Variants in RNF217 observed in about 807,000 individuals in gnomAD.
RNF217 encodes E3 ubiquitin-protein ligase RNF217.
RNF217 carries 31 observed loss-of-function variants against 57.8 expected under a neutral mutation model. The ratio of observed to expected loss-of-function variants is 0.54; its 90% CI spans 0.40 to 0.72. RNF217 has a LOEUF of 0.72. Ranked by LOEUF, RNF217 falls within the 30% of genes least tolerant of loss-of-function variation. RNF217 has a pLI of 0.00. For missense variants in RNF217, 696 were observed against 708.3 expected (o/e 0.98, Z 0.20); for synonymous variants, 313 against 294.0 (o/e 1.06, Z -0.66).
chr6:124,984,050 C>T (rs182847434), intron 1 of RNF217, among the ~76,000 whole-genome samples: 22 of 152,238 alleles, frequency 1.4e-4, no homozygotes, highest in Non-Finnish European at 2.1e-4. Flanking sequence ...CCATCACCTC[C>T]CAAAAGCCCC....
chr6:125,026,175 T>G (rs1201757120), intron 1 of RNF217, among the ~76,000 whole-genome samples: 1 of 152,164 alleles, frequency 6.6e-6, no homozygotes, highest in Non-Finnish European at 1.5e-5. Context: ...CAGTGGCCGC[T>G]AGCAACATGG....
intron 1 of RNF217, among the ~76,000 whole-genome samples, chr6:124,970,622 A>G (rs1003979956): frequency 6.6e-6 from 1 of 152,176 alleles, no homozygotes; most frequent in African/African-American, 2.4e-5. Context: ...AGAAGATATA[A>G]ATTTGAACGT....
At position 124,962,981 on chromosome 6, in the gene RNF217, T is replaced by A; in HGVS notation, c.437T>A (p.Val146Asp). 2.5e-6 allele frequency: 4 copies of A among 1,597,104 alleles called. No homozygotes were observed. Among genetic ancestry groups the A allele is most frequent in the Non-Finnish European group, 3.4e-6 (4 of 1,179,290 alleles). The change falls in exon 1 of 6, where the codon GTC becomes GAC. Residue 146 changes from valine (V) to aspartate (D), a missense_variant. Val to Asp is a radical substitution (Grantham distance 152, BLOSUM62 -3). Coordinates refer to ENST00000521654, the MANE Select transcript of RNF217 (RefSeq NM_001286398.3). The surrounding 1 kb of genome is among the most constrained non-coding windows in gnomAD (Gnocchi z 4.6). ...RTRVGAADGL[V>D]LDVLGQRRPS... is the part of the protein sequence containing the mutation. ...CGCGTGGGGGCCGCCGACGGACTGG[T>A]CCTGGACGTGCTGGGTCAGCGGCGC...
At chr6:125,038,484 A>G (rs1786739449) in intron 1 of RNF217, among the ~76,000 whole-genome samples, 1 of 152,284 alleles carries the variant, frequency 6.6e-6, no homozygotes, top group African/African-American at 2.4e-5. Flanking sequence ...TGGGAGGGCC[A>G]TATTATTCAG....
Position 125,092,341 on chromosome 6 carries a change from C to CCAAT in RNF217, c.*9404_*9405insCAAT, listed in dbSNP as rs1562506696. 20 of 152,222 alleles carry CCAAT rather than the reference C, an allele frequency of 1.3e-4. No individual in the cohort carries two copies. In the East Asian group the frequency reaches 2.5e-3, roughly 19 times the overall value. The allele number at this position is 152,222 out of a possible 1,614,324, so 9.4% of individuals were successfully genotyped here. On this transcript the variant is annotated 3_prime_UTR_variant, in exon 6 of 6. Coordinates refer to ENST00000521654, the MANE Select transcript of RNF217 (RefSeq NM_001286398.3). The stretch of plus-strand genomic sequence containing the variant: ...TTGTGATATTTTGGAGTCTAATTTC[C>CCAAT]GACTTTTCGTAATGTCCCAATGACC...
At chr6:124,965,806 GCT>G (rs1783516405) in intron 1 of RNF217, among the ~76,000 whole-genome samples, 1 of 151,904 alleles carries the variant, frequency 6.6e-6, no homozygotes, top group Admixed American at 6.6e-5. Context: ...CTCACCCCAC[GCT>G]CTCTCTCTTT....
rs28833574 is a variant in RNF217 at position 125,035,104 on chromosome 6, C to T, written c.883-10107C>T. On this transcript the variant is annotated intron_variant, in intron 1 of 5. Transcript: ENST00000521654. ...AGCTTAAGGAGATTTTGGGCAGAGA[C>T]AATGGGGTTTTCTAGATATACAATG... 5.5e-3 allele frequency among the ~76,000 whole-genome samples: 836 copies of T among 152,250 alleles called. 10 individuals are homozygous for T. The highest frequency in any genetic ancestry group is 0.019 in the African/African-American group (810 of 41,548).
rs567331646 is a variant in RNF217, at chr6:125,067,403, C to A, written c.1282-9254C>A. ...ATTTTATGGTGCTAGCTGTAGACAT[C>A]TGAAAGAAAAATAATGACAATATGA... On this transcript the variant is annotated intron_variant, in intron 3 of 5. Transcript: ENST00000521654. Among the ~76,000 whole-genome samples the A allele has an allele frequency of 2.0e-5, 3 of 152,158 alleles. No homozygotes were observed. In the South Asian group the frequency reaches 6.2e-4, roughly 32 times the overall value.
intron 2 of RNF217, among the ~76,000 whole-genome samples, chr6:125,047,126 A>T (rs1023458499): frequency 2.6e-5 from 4 of 152,094 alleles, no homozygotes. Flanking sequence ...TCGTAATTCC[A>T]TAAATTAGGA....
At chr6:124,978,038 A>G (rs1450428861) in intron 1 of RNF217, among the ~76,000 whole-genome samples, 2 of 152,314 alleles carry the variant, frequency 1.3e-5, no homozygotes, top group East Asian at 1.9e-4. Flanking sequence ...TTAAAAAAAT[A>G]CTGAGCACAA....
Position 124,963,202 on chromosome 6 carries a change from G to A in RNF217, c.658G>A (p.Gly220Ser), listed in dbSNP as rs1208950706. 2 of 1,536,086 alleles carry A rather than the reference G, an allele frequency of 1.3e-6. No homozygotes were observed. The highest frequency in any genetic ancestry group is 1.7e-6 in the Non-Finnish European group (2 of 1,146,898). Residue 220 changes from glycine (G) to serine (S), a missense_variant, in exon 1 of 6, where the codon GGC becomes AGC. Gly to Ser is a moderately conservative substitution (Grantham distance 56). Transcript: ENST00000521654. ...CCCAACGGATTCCCTCTCCCCCGAC[G>A]GCGGCAGCATCGAGCTGGAGTTCTA... ...SLPTDSLSPDGGSIELEFYLA... is the reference protein window; with the variant it reads ...SLPTDSLSPDSGSIELEFYLA...
At chr6:124,977,180 TTCTGAC>T (rs1165982956) in intron 1 of RNF217, among the ~76,000 whole-genome samples, 3 of 152,196 alleles carry the variant, frequency 2.0e-5, no homozygotes, top group South Asian at 4.1e-4. Flanking sequence ...CATTAACACT[TTCTGAC>T]TAGTTGCCAG....
chr6:124,989,133 A>T (rs1227808798), intron 1 of RNF217, among the ~76,000 whole-genome samples: 1 of 151,972 alleles, frequency 6.6e-6, no homozygotes, highest in Admixed American at 6.6e-5. Flanking sequence ...CATTTTGTGA[A>T]GTTCTGTGTG....
Position 124,962,717 on chromosome 6 carries a change from A to C in RNF217, c.173A>C (p.Asp58Ala). 1 of 1,513,378 alleles carries C rather than the reference A, an allele frequency of 6.6e-7. No individual in the cohort carries two copies. The highest frequency in any genetic ancestry group is 8.7e-7 in the Non-Finnish European group (1 of 1,143,146). 93.7% of individuals were successfully genotyped at this position (1,513,378 alleles called of 1,614,324 possible). A position where few individuals can be genotyped will look rare whatever the true frequency, so the allele number is the denominator to read the frequency against. ...AEPSGGGCGSDWGCADTSAPE... is the reference protein window; with the variant it reads ...AEPSGGGCGSAWGCADTSAPE... ...CCGAGCGGCGGTGGCTGCGGAAGCG[A>C]CTGGGGCTGCGCGGACACCAGCGCC... The change falls in exon 1 of 6, where the codon GAC becomes GCC. Residue 58 changes from aspartate to alanine, a missense_variant. Around this residue, in one of 2 missense-constraint regions of RNF217, gnomAD observed 465 missense variants for 386.8 expected, o/e 1.20. Coordinates refer to ENST00000521654, the MANE Select transcript of RNF217 (RefSeq NM_001286398.3). This position sits in a 1 kb window ranked among gnomAD's most constrained non-coding sequence, Gnocchi z 4.6.
At chr6:124,988,483 A>AC (rs1289113563) in intron 1 of RNF217, among the ~76,000 whole-genome samples, 1 of 152,236 alleles carries the variant, frequency 6.6e-6, no homozygotes, top group African/African-American at 2.4e-5. Context: ...TATAAGTGAC[A>AC]CTGTTGGTTC....
At chr6:124,985,999 G>A (rs1784352831) in intron 1 of RNF217, among the ~76,000 whole-genome samples, 1 of 152,138 alleles carries the variant, frequency 6.6e-6, no homozygotes, top group South Asian at 2.1e-4. Flanking sequence ...CAATGCAATA[G>A]TGTTAAGAGA....
At chr6:125,007,340 G>A (rs1394609527) in intron 1 of RNF217, among the ~76,000 whole-genome samples, 2 of 151,494 alleles carry the variant, frequency 1.3e-5, no homozygotes, top group African/African-American at 4.9e-5. Context: ...CTGCCTCCTG[G>A]GTTCAAGCGA....
At chr6:125,055,239 G>A (rs1334168865) in intron 2 of RNF217, among the ~76,000 whole-genome samples, 1 of 152,160 alleles carries the variant, frequency 6.6e-6, no homozygotes, top group African/African-American at 2.4e-5. Flanking sequence ...AAGCAATCCA[G>A]TATGAGTTTA....
At chr6:125,024,798 G>T (rs1397708071) in intron 1 of RNF217, among the ~76,000 whole-genome samples, 2 of 151,776 alleles carry the variant, frequency 1.3e-5, no homozygotes, top group African/African-American at 4.8e-5. Flanking sequence ...AGACTGTTGA[G>T]TTTGAGGTAT....
Sources: allele counts gnomAD v4.1 joint callset (sites outside exome capture counted in the v4.1 genomes callset), GRCh38; gene constraint gnomAD v4.1.1; regional missense constraint gnomAD v4.1.1; non-coding constraint Gnocchi (gnomAD v3.1); transcripts MANE v1.5; gene names NCBI Gene and HGNC (gene_info 2026-07-23, HGNC 2026-07-21).